Variants in GALNT14 observed in about 807,000 individuals in gnomAD.
The protein encoded by GALNT14 is UDP-GalNAc:polypeptide N-acetylgalactosaminyltransferase 14.
Under a neutral mutation model 77.5 loss-of-function variants are expected in GALNT14, and 60 were observed. That is an observed-to-expected ratio of 0.77 (90% CI 0.63 to 0.96). GALNT14 has a LOEUF of 0.96. Among genes scored for constraint, GALNT14 ranks in the 40% least tolerant of loss-of-function variants. The pLI, the probability that GALNT14 is intolerant of heterozygous loss-of-function variation, is 0.00. For missense variants in GALNT14, 710 were observed against 731.0 expected (o/e 0.97, Z 0.33); for synonymous variants, 280 against 281.7 (o/e 0.99, Z 0.06).
intron 8 of GALNT14, among the ~76,000 whole-genome samples, chr2:30,944,272 T>G (rs1287103788): frequency 6.6e-6 from 1 of 152,150 alleles, no homozygotes; most frequent in Non-Finnish European, 1.5e-5. Flanking sequence ...CCAGGCCCCA[T>G]GCAAAGCCCT....
intron 1 of GALNT14, among the ~76,000 whole-genome samples, chr2:31,120,808 C>T (rs1234546963): frequency 1.3e-5 from 2 of 152,162 alleles, no homozygotes; most frequent in Admixed American, 6.5e-5. Context: ...CCACTGGCCT[C>T]GGCCCCCAAA....
rs116805427 is a variant in GALNT14, at chr2:31,005,064, T to C, written c.130-12057A>G. ...TGCCCATGGGCTGACATTGGCCTGC[T>C]GGCCACCAAATTGTGACCCCTAGGA... On this transcript the variant is annotated intron_variant, in intron 1 of 14. Transcript: ENST00000349752. Among the ~76,000 whole-genome samples, 948 of 152,200 alleles carry C rather than the reference T, an allele frequency of 6.2e-3. 7 individuals are homozygous for C. The highest frequency in any genetic ancestry group is 0.022 in the African/African-American group (897 of 41,558).
In GALNT14 at chr2:31,054,605, C is replaced by G. The variant is rs554147704; in HGVS notation, c.130-61598G>C. ...GTGAATGAACAGAAAGAACACTAAC[C>G]CTGTAGTTCCCAACCTCTAGGGGCC... On this transcript the variant is annotated intron_variant, in intron 1 of 14. Transcript: ENST00000349752. Among the ~76,000 whole-genome samples the G allele has an allele frequency of 3.9e-4, 60 of 152,260 alleles. 1 individual carries two copies. Among genetic ancestry groups the G allele is most frequent in the African/African-American group, 1.1e-3 (46 of 41,546 alleles).
In GALNT14 at chr2:30,941,045, C is replaced by A. The variant is rs191469422; in HGVS notation, c.931+1156G>T. ...GACTGAGGGAGAAAGCCATAAAACA[C>A]CCTGGAGGCAGAAACAGGAGAAAAC... On this transcript the variant is annotated intron_variant, in intron 9 of 14. Coordinates refer to ENST00000349752, the MANE Select transcript of GALNT14 (RefSeq NM_024572.4). Among the ~76,000 whole-genome samples, 929 of 152,298 alleles carry A rather than the reference C, an allele frequency of 6.1e-3. 19 individuals are homozygous for A. The highest frequency in any genetic ancestry group is 6.5e-3 in the Non-Finnish European group (440 of 68,030).
chr2:30,973,735 G>C (rs1227281307), intron 2 of GALNT14, among the ~76,000 whole-genome samples: 6 of 152,134 alleles, frequency 3.9e-5, no homozygotes, highest in African/African-American at 1.4e-4. Flanking sequence ...TGTCAATTTT[G>C]CTGGGATTTC....
At chr2:31,011,877 G>A (rs972853924) in intron 1 of GALNT14, among the ~76,000 whole-genome samples, 2 of 152,152 alleles carry the variant, frequency 1.3e-5, no homozygotes, top group Admixed American at 6.5e-5. Context: ...TGGACGTGCC[G>A]CCTGGCTCTG....
At chr2:31,053,553 G>A (rs768469454) in intron 1 of GALNT14, among the ~76,000 whole-genome samples, 4 of 151,660 alleles carry the variant, frequency 2.6e-5, no homozygotes, top group Non-Finnish European at 2.9e-5. Context: ...AAATAAGGCC[G>A]ACAAAAATGC....
chr2:31,027,648 T>A (rs1321388583), intron 1 of GALNT14, among the ~76,000 whole-genome samples: 1 of 152,160 alleles, frequency 6.6e-6, no homozygotes, highest in African/African-American at 2.4e-5. Flanking sequence ...GTCCCAAGAA[T>A]TCCTTTCAGG....
chr2:30,961,865 T>G (rs543764720), intron 3 of GALNT14, among the ~76,000 whole-genome samples: 4 of 151,752 alleles, frequency 2.6e-5, no homozygotes, highest in African/African-American at 9.7e-5. Flanking sequence ...GGTTTTTTTG[T>G]TTTTTTTAGT....
At chr2:30,983,855 A>G (rs1293209070) in intron 2 of GALNT14, among the ~76,000 whole-genome samples, 1 of 152,102 alleles carries the variant, frequency 6.6e-6, no homozygotes, top group East Asian at 1.9e-4. Context: ...AACTTTAGAC[A>G]TAATAAGAAG....
chr2:31,125,989 C>G (rs192665241), intron 1 of GALNT14, among the ~76,000 whole-genome samples: 88 of 152,302 alleles, frequency 5.8e-4, no homozygotes, highest in Admixed American at 3.1e-3. Flanking sequence ...AAATGTGATA[C>G]TTTGGAGACT....
At chr2:31,087,830 G>T (rs1424872909) in intron 1 of GALNT14, among the ~76,000 whole-genome samples, 1 of 152,206 alleles carries the variant, frequency 6.6e-6, no homozygotes, top group African/African-American at 2.4e-5. Flanking sequence ...AAACCCCAAT[G>T]TGATGGCATT....
At chr2:30,925,081 G>A (rs1197564977) in intron 11 of GALNT14, among the ~76,000 whole-genome samples, 1 of 152,180 alleles carries the variant, frequency 6.6e-6, no homozygotes, top group Non-Finnish European at 1.5e-5. Context: ...CTTGAAGATG[G>A]AATTTGGGGG....
intron 1 of GALNT14, among the ~76,000 whole-genome samples, chr2:31,048,489 G>A (rs1038923436): frequency 6.6e-6 from 1 of 152,146 alleles, no homozygotes; most frequent in East Asian, 1.9e-4. Flanking sequence ...GCCTAAGGCT[G>A]GAAAGACCTC....
At chr2:30,989,334 C>T (rs1043899002) in intron 2 of GALNT14, among the ~76,000 whole-genome samples, 3 of 151,824 alleles carry the variant, frequency 2.0e-5, no homozygotes, top group Admixed American at 2.0e-4. Flanking sequence ...GCCCCCCTCA[C>T]CATCCCTGAC....
At chr2:30,894,899 G>T in the GALNT14 span, among the ~76,000 whole-genome samples, 6 of 152,160 alleles carry the variant, frequency 3.9e-5, no homozygotes, top group African/African-American at 1.4e-4. Flanking sequence ...GGCAGCTTTG[G>T]AATGTTCCGA....
At chr2:31,075,214 G>A (rs1400965962) in intron 1 of GALNT14, among the ~76,000 whole-genome samples, 1 of 152,212 alleles carries the variant, frequency 6.6e-6, no homozygotes, top group Non-Finnish European at 1.5e-5. Context: ...CTTCTGCCAT[G>A]ATTGGAAGTT....
At chr2:31,061,061 C>T (rs529195819) in intron 1 of GALNT14, among the ~76,000 whole-genome samples, 112 of 152,258 alleles carry the variant, frequency 7.4e-4, no homozygotes, top group African/African-American at 2.7e-3. Flanking sequence ...CAAGTGATCC[C>T]TGGATCATCC....
intron 2 of GALNT14, among the ~76,000 whole-genome samples, chr2:30,988,429 A>G (rs60597389): frequency 0.2 from 30,770 of 152,120 alleles, 3,421 homozygotes; most frequent in Admixed American, 0.31. Context: ...GGTGATGCCA[A>G]TTGCTAGGAG....
Sources: gnomAD v4.1 joint callset for allele counts (sites outside exome capture counted in the v4.1 genomes callset) on GRCh38, gnomAD v4.1.1 for gene constraint, MANE v1.5 for transcripts, NCBI Gene and HGNC (gene_info 2026-07-23, HGNC 2026-07-21) for gene names.